Variants in KRT1 observed in about 807,000 individuals in gnomAD.
KRT1 encodes the protein keratin 1, also known as keratin, type II cytoskeletal 1.
KRT1 carries 28 observed loss-of-function variants against 51.6 expected under a neutral mutation model. That is an observed-to-expected ratio of 0.54 (90% CI 0.40 to 0.74). The LOEUF (loss-of-function observed/expected upper bound fraction) is 0.74, where lower values mean the gene tolerates loss of function less well. Among genes scored for constraint, KRT1 ranks in the 30% least tolerant of loss-of-function variants. The pLI is 0.00. For synonymous variants in KRT1, 301 were observed against 307.7 expected (o/e 0.98, Z 0.23); for missense variants, 783 against 815.5 (o/e 0.96, Z 0.49).
Position 52,674,818 on chromosome 12 carries a change from C to T in KRT1, c.*375G>A. ...CCACAAAAGAAAAACAACTTGCTTA[C>T]ACCTTATGTACAAAACCAAAACAGC... On this transcript the variant is annotated 3_prime_UTR_variant, in exon 9 of 9. Transcript: ENST00000252244. 2.8e-6 allele frequency: 1 copy of T among 354,010 alleles called. No individual in the cohort carries two copies. Among genetic ancestry groups the T allele is most frequent in the South Asian group, 3.3e-5 (1 of 29,966 alleles). 21.9% of individuals were successfully genotyped at this position (354,010 alleles called of 1,614,324 possible). A position where few individuals can be genotyped will look rare whatever the true frequency, so the allele number is the denominator to read the frequency against.
In KRT1 at chr12:52,675,137, A is replaced by G. The variant is rs1214399106; in HGVS notation, c.*56T>C. 7 of 1,605,848 alleles carry G rather than the reference A, an allele frequency of 4.4e-6. No homozygotes were observed. The highest frequency in any genetic ancestry group is 2.2e-5 in the East Asian group (1 of 44,832). On this transcript the variant is annotated 3_prime_UTR_variant, in exon 9 of 9. Coordinates refer to ENST00000252244, the MANE Select transcript of KRT1 (RefSeq NM_006121.4). ...CAAATCGACCTCGGTCTTGCCAAGC[A>G]TATTTGTTAGTGATGCTGGGGGAGA...
Position 52,675,139 on chromosome 12 carries a change from A to C in KRT1, c.*54T>G. 2 of 1,605,598 alleles carry C rather than the reference A, an allele frequency of 1.2e-6. No homozygotes were observed. The highest frequency in any genetic ancestry group is 1.7e-6 in the Non-Finnish European group (2 of 1,173,758). On this transcript the variant is annotated 3_prime_UTR_variant, in exon 9 of 9. Coordinates refer to ENST00000252244, the MANE Select transcript of KRT1 (RefSeq NM_006121.4). ...AATCGACCTCGGTCTTGCCAAGCAT[A>C]TTTGTTAGTGATGCTGGGGGAGAAC... is the stretch of plus-strand genomic sequence containing the variant.
At position 52,675,524 on chromosome 12, in the gene KRT1, C is replaced by A. The variant is rs1466400667; in HGVS notation, c.1604G>T (p.Gly535Val). Reference protein sequence around the residue: ...YGSGGSSYGSGGGSYGSGGGG... With the variant: ...YGSGGSSYGSVGGSYGSGGGG... ...ACCTCCAGAACCATAGCTACCACCT[C>A]CGGAGCCATAGCTGCTACCTCCAGA... The change falls in exon 9 of 9, where the codon GGA (glycine) becomes GTA (valine). Residue 535 changes from glycine to valine, a missense_variant. By Grantham distance (109) the Gly-to-Val change is moderately radical (BLOSUM62 -3). Coordinates refer to ENST00000252244, the MANE Select transcript of KRT1 (RefSeq NM_006121.4). 6.2e-7 allele frequency: 1 copy of A among 1,608,696 alleles called. No homozygotes were observed. Among genetic ancestry groups the A allele is most frequent in the African/African-American group, 1.3e-5 (1 of 74,836 alleles).
chr12:52,678,265 A>G lies in KRT1; in HGVS notation c.807-42T>C, dbSNP rs1342265414. 3 of 1,597,718 alleles carry G rather than the reference A, an allele frequency of 1.9e-6. No homozygotes were observed. The African/African-American group carries it at 4.0e-5, about 21-fold the overall frequency. ...ACAATTAGGAGATTCAGAGGTGGTA[A>G]GACCTGAAGTCCAGCATTCTAAACT... On this transcript the variant is annotated intron_variant, in intron 2 of 8. Transcript: ENST00000252244.
At chr12:52,677,766 A>G (rs1467266939) in intron 3 of KRT1, 21 bp from the exon 4 acceptor site, 1 of 1,598,634 alleles carries the variant, frequency 6.3e-7, no homozygotes, top group Non-Finnish European at 8.6e-7. Context: ...AAGGGACATC[A>G]TGAAGGCACA....
rs754553875 is a variant in KRT1, at chr12:52,680,065, C to T, written c.284G>A (p.Gly95Asp). 16 of 1,554,956 alleles carry T rather than the reference C, an allele frequency of 1.0e-5. No individual in the cohort carries two copies. Among genetic ancestry groups the T allele is most frequent in the Non-Finnish European group, 1.7e-6 (2 of 1,149,022 alleles). Residue 95 changes from glycine to aspartate, a missense_variant, in exon 1 of 9, where the codon GGT becomes GAT. Physicochemically the swap from Gly to Asp is moderately conservative, Grantham distance 94 (BLOSUM62 -1). Coordinates refer to ENST00000252244, the MANE Select transcript of KRT1 (RefSeq NM_006121.4). ...GRGSGFGGGY[G>D]GGGFGGGGFG... is the part of the protein sequence containing the mutation. ...GCCACCACCACCAAAGCCACCACCA[C>T]CATAACCACCACCAAAGCCACTACC...
At chr12:52,676,642 A>G in intron 6 of KRT1, 147 bp from the exon 7 acceptor site, 1 of 783,922 alleles carries the variant, frequency 1.3e-6, no homozygotes, top group Non-Finnish European at 2.2e-6. Context: ...TCCAGATAAC[A>G]CATCACCATG....
At position 52,680,166 on chromosome 12, in the gene KRT1, T is replaced by C. The variant is rs766385141; in HGVS notation, c.183A>G (p.Gly61=). 5 of 1,609,478 alleles carry C rather than the reference T, an allele frequency of 3.1e-6. No individual in the cohort carries two copies. The South Asian group carries it at 4.4e-5, about 14-fold the overall frequency. The part of the protein sequence containing the change: ...GGGGSFGAGG[G]FGSRSLVNLG... ...GGTTAACAAGACTCCGACTTCCAAA[T>C]CCACCACCAGCACCAAAGCTACCAC... is the stretch of plus-strand genomic sequence containing the variant. Residue 61 remains glycine (G), a synonymous_variant, in exon 1 of 9, where the codon GGA becomes GGG. Coordinates refer to ENST00000252244, the MANE Select transcript of KRT1 (RefSeq NM_006121.4).
intron 2 of KRT1, 22 bp from the exon 3 acceptor site, chr12:52,678,245 T>TA: frequency 5.6e-6 from 9 of 1,613,080 alleles, no homozygotes; most frequent in Non-Finnish European, 5.1e-6. Context: ...CAGAAACAAT[T>TA]AGGAGATTCA....
At position 52,678,677 on chromosome 12, in the gene KRT1, G is replaced by C; in HGVS notation, c.671C>G (p.Thr224Ser). ...CTCAAAGTAGGGCTCTAAATTATGG[G>C]TTCTAGTGGAGGTATCTACCTGCTG... ...LLQQVDTSTR[T>S]HNLEPYFESF... The change falls in exon 2 of 9, where the codon ACC becomes AGC. Residue 224 changes from threonine to serine, a missense_variant. Coordinates refer to ENST00000252244, the MANE Select transcript of KRT1 (RefSeq NM_006121.4). 1.2e-6 allele frequency: 2 copies of C among 1,614,238 alleles called. No homozygotes were observed. Among genetic ancestry groups the C allele is most frequent in the South Asian group, 2.2e-5 (2 of 91,080 alleles).
chr12:52,676,990 G>T, intron 6 of KRT1, 69 bp downstream of exon 6: 1 of 1,586,662 alleles, frequency 6.3e-7, no homozygotes, highest in Non-Finnish European at 8.6e-7. Context: ...AACTAGGAAA[G>T]CACTCGCCCT....
intron 3 of KRT1, 145 bp downstream of exon 3, chr12:52,678,018 T>G (rs995950859): frequency 3.8e-6 from 3 of 798,136 alleles, no homozygotes; most frequent in Non-Finnish European, 2.2e-6. Context: ...AGGTCCATGA[T>G]GATGTGAAAA....
rs1941565075 is a variant in KRT1, at chr12:52,680,153, T to C, written c.196A>G (p.Ser66Gly). 9 of 1,601,058 alleles carry C rather than the reference T, an allele frequency of 5.6e-6. No homozygotes were observed. Among genetic ancestry groups the C allele is most frequent in the South Asian group, 1.1e-5 (1 of 89,624 alleles). Residue 66 changes from serine to glycine, a missense_variant, in exon 1 of 9, where the codon AGT becomes GGT. Transcript: ENST00000252244. ...FGAGGGFGSR[S>G]LVNLGGSKSI... is the part of the protein sequence containing the mutation. ...TTACTGCCACCAAGGTTAACAAGAC[T>C]CCGACTTCCAAATCCACCACCAGCA...
rs757184812 is a variant in KRT1, at chr12:52,675,719, C to T, written c.1501G>A (p.Val501Met). ...SRMSGECAPN[V>M]SVSVSTSHTT... ...ATCGACTTGTACTTACACACACTCA[C>T]GTTCGGGGCACATTCTCCAGACATC... The change falls in exon 8 of 9, where the codon GTG (valine) becomes ATG (methionine). Residue 501 changes from valine (V) to methionine (M), a missense_variant. Val to Met is a conservative substitution (Grantham distance 21, BLOSUM62 1). Transcript: ENST00000252244. 2 of 1,614,094 alleles carry T rather than the reference C, an allele frequency of 1.2e-6. No individual in the cohort carries two copies. Among genetic ancestry groups the T allele is most frequent in the Non-Finnish European group, 1.7e-6 (2 of 1,180,054 alleles).
Position 52,680,097 on chromosome 12 carries a change from A to G in KRT1, c.252T>C (p.Gly84=), listed in dbSNP as rs749289058. The G allele has an allele frequency of 6.4e-7, 1 of 1,557,598 alleles. No homozygotes were observed. Among genetic ancestry groups the G allele is most frequent in the Non-Finnish European group, 8.7e-7 (1 of 1,150,754 alleles). Residue 84 remains glycine (G), a synonymous_variant, in exon 1 of 9, where the codon GGT becomes GGC. Coordinates refer to ENST00000252244, the MANE Select transcript of KRT1 (RefSeq NM_006121.4). ...KSISISVARG[G]GRGSGFGGGY... ...CACCACCAAAGCCACTACCACGTCC[A>G]CCTCCTCTAGCCACACTTATGGAGA...
Position 52,678,143 on chromosome 12 carries a change from G to T in KRT1, c.867+20C>A. On this transcript the variant is annotated intron_variant, in intron 3 of 8. Coordinates refer to ENST00000252244, the MANE Select transcript of KRT1 (RefSeq NM_006121.4). ...CTTATTTATTTCAAATGTGAGTTCCGTCCTACAGAATTTGCTTACCTTCTT... is the reference window on the plus strand; with the variant it reads ...CTTATTTATTTCAAATGTGAGTTCCTTCCTACAGAATTTGCTTACCTTCTT... The T allele has an allele frequency of 1.2e-6, 2 of 1,612,066 alleles. No individual in the cohort carries two copies. The highest frequency in any genetic ancestry group is 1.7e-6 in the Non-Finnish European group (2 of 1,178,232).
rs1297439946 is a variant in KRT1 at position 52,678,757 on chromosome 12, C to T, written c.592-1G>A. 2 of 1,613,458 alleles carry T rather than the reference C, an allele frequency of 1.2e-6. No homozygotes were observed. Among genetic ancestry groups the T allele is most frequent in the Non-Finnish European group, 1.7e-6 (2 of 1,179,898 alleles). ...GGTTCTGCTGCTCCAGGAACCTCAC[C>T]TAAAAACACAAGACCCCTTTACTCC... On this transcript the variant is annotated splice_acceptor_variant, in intron 1 of 8. Coordinates refer to ENST00000252244, the MANE Select transcript of KRT1 (RefSeq NM_006121.4). LOFTEE classifies it high-confidence loss of function.
In KRT1 at chr12:52,679,802, G is replaced by T. The variant is rs745830309; in HGVS notation, c.547C>A (p.Gln183Lys). The change falls in exon 1 of 9, where the codon CAA becomes AAA. Residue 183 changes from glutamine to lysine, a missense_variant. By Grantham distance (53) the Gln-to-Lys change is moderately conservative (BLOSUM62 1). Transcript: ENST00000252244. ...AATTGGTTGTTGAGTGACTTGATTTGCTCCCTTTCTCGAGACTTCACCTTT... is the reference window on the plus strand; with the variant it reads ...AATTGGTTGTTGAGTGACTTGATTTTCTCCCTTTCTCGAGACTTCACCTTT... ...IQKVKSRERE[Q>K]IKSLNNQFAS... 1 of 1,614,154 alleles carries T rather than the reference G, an allele frequency of 6.2e-7. No homozygotes were observed. The highest frequency in any genetic ancestry group is 8.5e-7 in the Non-Finnish European group (1 of 1,180,030).
Position 52,678,561 on chromosome 12 carries a change from C to G in KRT1, c.787G>C (p.Val263Leu), listed in dbSNP as rs751753610. Reference sequence around the variant, plus strand: ...CCTTACTTGTTCCGGTAATCCTCCACCATGTCCTGCATGTTCTTCAGTTCC... The same window carrying G: ...CCTTACTTGTTCCGGTAATCCTCCAGCATGTCCTGCATGTTCTTCAGTTCC... ...DSELKNMQDM[V>L]EDYRNKYEDE... The change falls in exon 2 of 9, where the codon GTG becomes CTG. Residue 263 changes from valine (V) to leucine (L), a missense_variant. Coordinates refer to ENST00000252244, the MANE Select transcript of KRT1 (RefSeq NM_006121.4). 1.9e-6 allele frequency: 3 copies of G among 1,614,218 alleles called. No homozygotes were observed. The highest frequency in any genetic ancestry group is 1.3e-5 in the African/African-American group (1 of 75,056).
Sources: gnomAD v4.1 joint callset for allele counts on GRCh38, gnomAD v4.1.1 for gene constraint, MANE v1.5 for transcripts, NCBI Gene and HGNC (gene_info 2026-07-23, HGNC 2026-07-21) for gene names.